PIK3C2G: variants seen among roughly 807,000 people sequenced by gnomAD.
PIK3C2G encodes phosphatidylinositol-4-phosphate 3-kinase catalytic subunit type 2 gamma.
A neutral mutation model predicts 181.1 loss-of-function variants in PIK3C2G; 168 were observed. The observed-to-expected ratio is 0.93, with a 90% confidence interval of 0.82 to 1.05. The LOEUF (loss-of-function observed/expected upper bound fraction) is 1.05, where lower values mean the gene tolerates loss of function less well. Ranked by LOEUF, PIK3C2G falls within the 50% of genes least tolerant of loss-of-function variation. The probability of loss-of-function intolerance (pLI) is 0.00; values close to 1 mark genes in which losing one functional copy is unlikely to be tolerated. For synonymous variants in PIK3C2G, 573 were observed against 592.2 expected, an observed-to-expected ratio of 0.97 and a Z score of 0.47; for missense variants, 1,869 against 1,732.8, an observed-to-expected ratio of 1.08 and a Z score of -1.40.
the PIK3C2G span, chr12:18,694,863 GT>G: frequency 7.1e-7 from 1 of 1,416,376 alleles, no homozygotes; most frequent in Non-Finnish European, 9.8e-7. Context: ...ACACTATCTA[GT>G]TTATATAATA....
exon 1 of PIK3C2G, chr12:18,247,654 C>T (rs1948053797): frequency 6.6e-6 from 1 of 152,198 alleles, no homozygotes; most frequent in African/African-American, 2.4e-5. Context: ...CCACCCTAAT[C>T]TTACAATGCA....
At chr12:18,276,557 AC>A (rs1017574322) in intron 1 of PIK3C2G, among the ~76,000 whole-genome samples, 4 of 152,192 alleles carry the variant, frequency 2.6e-5, no homozygotes, top group Non-Finnish European at 5.9e-5. Context: ...CATGAATTTT[AC>A]TTTTGCTTTT....
At chr12:18,663,197 T>A in the PIK3C2G span, among the ~76,000 whole-genome samples, 1 of 152,028 alleles carries the variant, frequency 6.6e-6, no homozygotes, top group Non-Finnish European at 1.5e-5. Context: ...TCACTTTTAT[T>A]CAACATAGTA....
chr12:18,445,238 A>G (rs7132519), intron 18 of PIK3C2G, among the ~76,000 whole-genome samples: 1,632 of 152,178 alleles, frequency 0.011, 25 homozygotes, highest in African/African-American at 0.037. Context: ...TTCAGTGGTG[A>G]AGAATTAATT....
chr12:18,673,996 A>T, the PIK3C2G span, among the ~76,000 whole-genome samples: 3 of 152,224 alleles, frequency 2.0e-5, no homozygotes, highest in South Asian at 6.2e-4. Flanking sequence ...ATTCTATTGG[A>T]TAAAAGCAGA....
intron 5 of PIK3C2G, among the ~76,000 whole-genome samples, chr12:18,312,834 C>A (rs1335360181): frequency 2.0e-5 from 3 of 151,906 alleles, no homozygotes; most frequent in African/African-American, 7.3e-5. Context: ...AAAATAGAAA[C>A]ATTTAAAAAG....
chr12:18,572,938 G>A (rs376709293), intron 29 of PIK3C2G, among the ~76,000 whole-genome samples: 1 of 151,814 alleles, frequency 6.6e-6, no homozygotes. Flanking sequence ...CCATTTTTAT[G>A]TGAGTTCCCC....
chr12:18,518,428 T>C (rs961072389), intron 24 of PIK3C2G, among the ~76,000 whole-genome samples: 9 of 152,172 alleles, frequency 5.9e-5, no homozygotes, highest in African/African-American at 2.2e-4. Flanking sequence ...TCTTGGTATA[T>C]TCAGGGATTT....
At chr12:18,573,067 A>T (rs1172876018) in intron 29 of PIK3C2G, among the ~76,000 whole-genome samples, 1 of 152,104 alleles carries the variant, frequency 6.6e-6, no homozygotes, top group East Asian at 1.9e-4. Flanking sequence ...TCTAATGTGT[A>T]ATGTTTCTAC....
chr12:18,458,589 G>A (rs1031845555), intron 18 of PIK3C2G, among the ~76,000 whole-genome samples: 4 of 152,186 alleles, frequency 2.6e-5, no homozygotes, highest in Admixed American at 6.6e-5. Flanking sequence ...TGAATATGAT[G>A]AGTATCACTC....
At chr12:18,663,513 C>T in the PIK3C2G span, among the ~76,000 whole-genome samples, 4 of 152,022 alleles carry the variant, frequency 2.6e-5, no homozygotes, top group Non-Finnish European at 5.9e-5. Context: ...GAGATTTGAA[C>T]TTCTGTGGAT....
chr12:18,540,688 T>G (rs1944106243), intron 25 of PIK3C2G, among the ~76,000 whole-genome samples: 1 of 151,936 alleles, frequency 6.6e-6, no homozygotes, highest in Non-Finnish European at 1.5e-5. Flanking sequence ...CCAAAAAAAC[T>G]TCTATGCTCT....
At chr12:18,597,677 G>A (rs1342161812) in intron 30 of PIK3C2G, among the ~76,000 whole-genome samples, 2 of 151,878 alleles carry the variant, frequency 1.3e-5, no homozygotes, top group Admixed American at 6.6e-5. Context: ...GAAATAAAGG[G>A]TATTCAATTA....
intron 13 of PIK3C2G, among the ~76,000 whole-genome samples, chr12:18,373,086 A>G (rs1942181872): frequency 6.6e-6 from 1 of 152,218 alleles, no homozygotes; most frequent in Non-Finnish European, 1.5e-5. Context: ...ATTTAAGGAA[A>G]TAAAGATATT....
chr12:18,591,670 C>T (rs76786494), intron 29 of PIK3C2G, among the ~76,000 whole-genome samples: 1 of 151,914 alleles, frequency 6.6e-6, no homozygotes, highest in African/African-American at 2.4e-5. Context: ...AGCAGTCTTA[C>T]AAGCTTTGTT....
intron 24 of PIK3C2G, among the ~76,000 whole-genome samples, chr12:18,535,811 ATGAG>A (rs549015345): frequency 3.2e-3 from 487 of 152,214 alleles, no homozygotes; most frequent in African/African-American, 0.011. Flanking sequence ...GGCAATAGTG[ATGAG>A]TGAGTGAGCA....
intron 24 of PIK3C2G, among the ~76,000 whole-genome samples, chr12:18,528,668 G>A (rs937511437): frequency 2.6e-5 from 4 of 152,182 alleles, no homozygotes; most frequent in African/African-American, 4.8e-5. Flanking sequence ...CTACTATCAC[G>A]AATTATTGAT....
intron 1 of PIK3C2G, among the ~76,000 whole-genome samples, chr12:18,262,125 C>T (rs578031032): frequency 6.6e-6 from 1 of 152,150 alleles, no homozygotes; most frequent in African/African-American, 2.4e-5. Context: ...CCATTTCCTC[C>T]CTCTGTGCTG....
chr12:18,582,723 G>T (rs114477029), intron 29 of PIK3C2G, among the ~76,000 whole-genome samples: 1 of 152,070 alleles, frequency 6.6e-6, no homozygotes, highest in East Asian at 1.9e-4. Flanking sequence ...CCAGAGGGAG[G>T]GGTGGGCTGC....
Sources: allele counts gnomAD v4.1 joint callset (sites outside exome capture counted in the v4.1 genomes callset), GRCh38; gene constraint gnomAD v4.1.1; transcripts MANE v1.5; gene names NCBI Gene and HGNC (gene_info 2026-07-23, HGNC 2026-07-21).